Variants in RAD51B observed in about 807,000 individuals in gnomAD.
The protein encoded by RAD51B is DNA repair protein RAD51 homolog 2.
Under a neutral mutation model 42.2 loss-of-function variants are expected in RAD51B, and 38 were observed. The ratio of observed to expected loss-of-function variants is 0.90; its 90% CI spans 0.70 to 1.18. RAD51B has a LOEUF of 1.18. Ranked by LOEUF, RAD51B falls within the 50% of genes most tolerant of loss-of-function variation. The probability of loss-of-function intolerance (pLI) is 0.00; values close to 1 mark genes in which losing one functional copy is unlikely to be tolerated. For synonymous variants in RAD51B, 154 were observed against 145.2 expected (o/e 1.06, Z -0.43); for missense variants, 373 against 400.7 (o/e 0.93, Z 0.59).
chr14:68,099,703 G>A (rs936335858), intron 7 of RAD51B, among the ~76,000 whole-genome samples: 2 of 152,174 alleles, frequency 1.3e-5, no homozygotes, highest in Admixed American at 1.3e-4. Flanking sequence ...GTTTTCTTCT[G>A]GTGGCAGCTG....
chr14:68,340,415 A>G (rs2064912), intron 8 of RAD51B, among the ~76,000 whole-genome samples: 73,992 of 151,960 alleles, frequency 0.49, 21,234 homozygotes, highest in South Asian at 0.65. Flanking sequence ...TGGGAGAGAG[A>G]GACTGAGAGT....
At chr14:68,557,796 G>C (rs1888930497) in intron 10 of RAD51B, among the ~76,000 whole-genome samples, 1 of 152,172 alleles carries the variant, frequency 6.6e-6, no homozygotes, top group Non-Finnish European at 1.5e-5. Flanking sequence ...TATGCAAAGT[G>C]GAAAGGTAAC....
chr14:68,660,415 A>G (rs1892908573), intron 11 of RAD51B, among the ~76,000 whole-genome samples: 1 of 152,226 alleles, frequency 6.6e-6, no homozygotes, highest in Non-Finnish European at 1.5e-5. Flanking sequence ...AGAAGCTTGG[A>G]TAAGAATCCA....
chr14:67,874,484 A>G (rs927957207), intron 5 of RAD51B, among the ~76,000 whole-genome samples: 6 of 152,094 alleles, frequency 3.9e-5, no homozygotes, highest in East Asian at 1.9e-4. Flanking sequence ...GTGGCCCTAG[A>G]CAATTCTTTT....
At chr14:68,195,029 C>T (rs939344765) in intron 7 of RAD51B, among the ~76,000 whole-genome samples, 1 of 152,092 alleles carries the variant, frequency 6.6e-6, no homozygotes, top group Non-Finnish European at 1.5e-5. Context: ...TGGTGGCAAG[C>T]ACTGTGGTAG....
chr14:68,676,069 T>C (rs1224899326), intron 11 of RAD51B, among the ~76,000 whole-genome samples: 3 of 152,236 alleles, frequency 2.0e-5, no homozygotes, highest in Non-Finnish European at 4.4e-5. Flanking sequence ...CTTATAATGA[T>C]TCTTACTATG....
chr14:68,097,435 C>T (rs1165747271), intron 7 of RAD51B, among the ~76,000 whole-genome samples: 1 of 152,090 alleles, frequency 6.6e-6, no homozygotes, highest in African/African-American at 2.4e-5. Context: ...ATGTCTCTAA[C>T]TGGATATTCA....
intron 7 of RAD51B, among the ~76,000 whole-genome samples, chr14:68,179,418 T>G (rs1769175692): frequency 6.6e-6 from 1 of 152,222 alleles, no homozygotes; most frequent in African/African-American, 2.4e-5. Flanking sequence ...TAGCTATTAT[T>G]ACTCTGAGGT....
chr14:68,636,764 C>T (rs543924922), intron 10 of RAD51B, among the ~76,000 whole-genome samples: 2 of 152,242 alleles, frequency 1.3e-5, no homozygotes, highest in Admixed American at 6.5e-5. Context: ...ACATGCCCAG[C>T]GCCTCCCTGA....
chr14:68,296,534 G>A (rs914605041), intron 8 of RAD51B, among the ~76,000 whole-genome samples: 4 of 152,106 alleles, frequency 2.6e-5, no homozygotes, highest in South Asian at 2.1e-4. Flanking sequence ...AATAGAGAAG[G>A]GATCTAACAG....
At chr14:68,406,177 G>A (rs944043012) in intron 8 of RAD51B, among the ~76,000 whole-genome samples, 8 of 152,170 alleles carry the variant, frequency 5.3e-5, no homozygotes, top group Non-Finnish European at 8.8e-5. Flanking sequence ...TACATCAGGC[G>A]TGGGTTTGGC....
chr14:67,820,686 GGGAAGTCAGGGAGACA>G lies in RAD51B; in HGVS notation c.-3+837_-3+852del, dbSNP rs1398526954. ...TTGACTCTGGGGAAGGTTTTGTGGA[GGGAAGTCAGGGAGACA>G]GGATGCGTGACCTACCAATACACAT... On this transcript the variant is annotated intron_variant, in intron 1 of 10. Coordinates refer to ENST00000471583, the MANE Select transcript of RAD51B (RefSeq NM_133510.4). 1.6e-4 allele frequency among the ~76,000 whole-genome samples: 25 copies of G among 152,210 alleles called. 1 individual carries two copies. The East Asian group carries it at 4.8e-3, about 29-fold the overall frequency.
intron 7 of RAD51B, among the ~76,000 whole-genome samples, chr14:67,981,898 G>A (rs1343792485): frequency 2.0e-5 from 3 of 152,062 alleles, no homozygotes; most frequent in Non-Finnish European, 2.9e-5. Flanking sequence ...AGTTTTGCAG[G>A]TATATACATA....
intron 7 of RAD51B, among the ~76,000 whole-genome samples, chr14:68,056,208 G>T (rs1222792606): frequency 6.6e-6 from 1 of 152,084 alleles, no homozygotes; most frequent in Non-Finnish European, 1.5e-5. Context: ...ACCCAGGTTG[G>T]AGTGTAGTGG....
At chr14:68,527,910 A>T (rs1432591430) in intron 10 of RAD51B, among the ~76,000 whole-genome samples, 1 of 152,344 alleles carries the variant, frequency 6.6e-6, no homozygotes, top group East Asian at 1.9e-4. Context: ...AATTGTAAGG[A>T]TATTTGTGTT....
At chr14:67,862,143 C>CA (rs1038728663) in intron 4 of RAD51B, among the ~76,000 whole-genome samples, 50 of 149,852 alleles carry the variant, frequency 3.3e-4, no homozygotes, top group African/African-American at 1.0e-3. Flanking sequence ...ATGTTCCCAC[C>CA]AAAAAAAAGA....
intron 10 of RAD51B, among the ~76,000 whole-genome samples, chr14:68,555,217 C>T (rs970819363): frequency 2.6e-5 from 4 of 152,250 alleles, no homozygotes; most frequent in Non-Finnish European, 4.4e-5. Flanking sequence ...GTGCTGGTTC[C>T]TTCTCTCTTA....
chr14:68,497,433 A>G lies in RAD51B; in HGVS notation c.1036+29183A>G, dbSNP rs920188619. ...GGCACTGACAATGGGCACACAGGGAACAGGAAATGGGAATGAGAGCAAGGG... is the reference window on the plus strand; with the variant it reads ...GGCACTGACAATGGGCACACAGGGAGCAGGAAATGGGAATGAGAGCAAGGG... On this transcript the variant is annotated intron_variant, in intron 10 of 10. Coordinates refer to the RAD51B transcript ENST00000487270. 5 of 1,092,350 alleles carry G rather than the reference A, an allele frequency of 4.6e-6. No individual in the cohort carries two copies. The Admixed American group carries it at 1.6e-4, about 34-fold the overall frequency. 67.7% of individuals were successfully genotyped at this position (1,092,350 alleles called of 1,614,324 possible). A position where few individuals can be genotyped will look rare whatever the true frequency, so the allele number is the denominator to read the frequency against.
intron 7 of RAD51B, among the ~76,000 whole-genome samples, chr14:68,089,546 A>G (rs1283588434): frequency 6.6e-6 from 1 of 152,136 alleles, no homozygotes; most frequent in Non-Finnish European, 1.5e-5. Flanking sequence ...ATACCCTACT[A>G]TAAAAATAAA....
Sources: allele counts gnomAD v4.1 joint callset (sites outside exome capture counted in the v4.1 genomes callset), GRCh38; gene constraint gnomAD v4.1.1; transcripts MANE v1.5; gene names NCBI Gene and HGNC (gene_info 2026-07-23, HGNC 2026-07-21).